The following DCT variants were observed in gnomAD, a reference collection of about 807,000 sequenced individuals.
DCT encodes dopachrome tautomerase.
In DCT, 47 loss-of-function variants were observed where a neutral mutation model predicts 53.0. The ratio of observed to expected loss-of-function variants is 0.89; its 90% CI spans 0.70 to 1.13. The LOEUF (loss-of-function observed/expected upper bound fraction) is 1.13, where lower values mean the gene tolerates loss of function less well. DCT is among the 50% of genes most tolerant of loss of function. DCT has a pLI of 0.00. For synonymous variants in DCT, 244 were observed against 237.0 expected (o/e 1.03, Z -0.27); for missense variants, 669 against 637.4 (o/e 1.05, Z -0.53).
intron 6 of DCT, among the ~76,000 whole-genome samples, chr13:94,451,095 T>C (rs1253133622): frequency 6.6e-6 from 1 of 152,128 alleles, no homozygotes; most frequent in Non-Finnish European, 1.5e-5. Flanking sequence ...ACTGCCACCC[T>C]GGGGAACCAG....
chr13:94,481,237 A>G (rs1885429834), upstream of DCT, among the ~76,000 whole-genome samples: 1 of 152,184 alleles, frequency 6.6e-6, no homozygotes, highest in South Asian at 2.1e-4. Context: ...ACTCAATTAC[A>G]TCTGCAAAGA....
At chr13:94,490,366 A>G in the DCT span, among the ~76,000 whole-genome samples, 2 of 151,880 alleles carry the variant, frequency 1.3e-5, no homozygotes, top group Admixed American at 6.6e-5. Context: ...TTAGCTGGGC[A>G]TGGTGGTGCA....
the DCT span, among the ~76,000 whole-genome samples, chr13:94,536,347 A>T: frequency 3.1e-3 from 465 of 152,268 alleles, 2 homozygotes; most frequent in African/African-American, 0.011. Flanking sequence ...GGACCTCCCA[A>T]ACATGCCTGC....
chr13:94,465,445 T>G, intron 4 of DCT, 188 bp downstream of exon 4: 4 of 343,128 alleles, frequency 1.2e-5, no homozygotes, highest in Non-Finnish European at 1.5e-5. Context: ...GTGATTTTGA[T>G]ATTTTTTTTT....
At chr13:94,442,097 G>A (rs186522842) in intron 7 of DCT, among the ~76,000 whole-genome samples, 168 of 152,146 alleles carry the variant, frequency 1.1e-3, no homozygotes, top group Non-Finnish European at 1.8e-3. Flanking sequence ...AAGGCCCTCT[G>A]TACCTAGGCT....
intron 1 of DCT, among the ~76,000 whole-genome samples, chr13:94,476,916 GAGA>G (rs1885128475): frequency 1.3e-5 from 2 of 152,164 alleles, no homozygotes; most frequent in South Asian, 4.1e-4. Flanking sequence ...ATAATTTTGA[GAGA>G]AGGTCTATAG....
the DCT span, among the ~76,000 whole-genome samples, chr13:94,516,590 A>C: frequency 9.9e-5 from 15 of 152,192 alleles, no homozygotes; most frequent in Non-Finnish European, 1.8e-4. Context: ...GAGGGTCTTT[A>C]AGAGGTTGTC....
At chr13:94,510,360 G>A in the DCT span, among the ~76,000 whole-genome samples, 1 of 152,156 alleles carries the variant, frequency 6.6e-6, no homozygotes, top group Non-Finnish European at 1.5e-5. Context: ...TTAATGCCCT[G>A]CACCTGAACT....
chr13:94,505,808 C>T, the DCT span, among the ~76,000 whole-genome samples: 205 of 152,276 alleles, frequency 1.3e-3, 1 homozygote, highest in East Asian at 0.013. Context: ...AAGAGACCCA[C>T]GTGGCAAGAA....
At position 94,437,696 on chromosome 13, in the gene DCT, C is replaced by T. The variant is rs1881986617; in HGVS notation, c.*2202G>A. 6.6e-6 allele frequency: 1 copy of T among 152,064 alleles called. No individual in the cohort carries two copies. Among genetic ancestry groups the T allele is most frequent in the Non-Finnish European group, 1.5e-5 (1 of 68,004 alleles). 9.4% of individuals were successfully genotyped at this position (152,064 alleles called of 1,614,324 possible). On this transcript the variant is annotated 3_prime_UTR_variant, in exon 8 of 8. Transcript: ENST00000377028. The stretch of plus-strand genomic sequence containing the variant: ...GCATGATATTCAATGTAAGTAAATA[C>T]CAACTTTTTATTCTGTTGGTTTATC...
chr13:94,478,831 C>A (rs1213473176), intron 1 of DCT, 130 bp downstream of exon 1: 47 of 894,746 alleles, frequency 5.3e-5, no homozygotes, highest in Non-Finnish European at 5.2e-5. Flanking sequence ...ATGCTTCCGA[C>A]CAAAACCATC....
At chr13:94,543,799 C>T in the DCT span, among the ~76,000 whole-genome samples, 1,836 of 152,202 alleles carry the variant, frequency 0.012, 39 homozygotes, top group African/African-American at 0.041. Flanking sequence ...CTTTGAGAGG[C>T]CAAGGCAGGT....
chr13:94,547,727 T>C, the DCT span, among the ~76,000 whole-genome samples: 1 of 151,658 alleles, frequency 6.6e-6, no homozygotes, highest in Non-Finnish European at 1.5e-5. Context: ...CACTAGCTCA[T>C]GCCTGTAATC....
intron 6 of DCT, among the ~76,000 whole-genome samples, chr13:94,454,172 T>C (rs2139306508): frequency 6.6e-6 from 1 of 152,354 alleles, no homozygotes; most frequent in South Asian, 2.1e-4. Flanking sequence ...GACTACTGTA[T>C]GTTGTATTCC....
the DCT span, among the ~76,000 whole-genome samples, chr13:94,509,932 GTTGAAGAA>G: frequency 6.6e-6 from 1 of 152,170 alleles, no homozygotes; most frequent in Non-Finnish European, 1.5e-5. Flanking sequence ...ATAGCAATTT[GTTGAAGAA>G]TCAAATTAAG....
Position 94,464,576 on chromosome 13 carries a change from G to A in DCT, c.863+1057C>T, listed in dbSNP as rs542008258. Among the ~76,000 whole-genome samples the A allele has an allele frequency of 3.7e-3, 570 of 152,118 alleles. 2 individuals carry two copies. Among genetic ancestry groups the A allele is most frequent in the Middle Eastern group, 0.014 (4 of 294 alleles). On this transcript the variant is annotated intron_variant, in intron 4 of 7. Coordinates refer to ENST00000377028, the MANE Select transcript of DCT (RefSeq NM_001922.5). ...AATTGCTTGAACCAGGGAGTCGGAGGTTGCAGTGAGCCGAGATCACGTCAC... is the reference window on the plus strand; with the variant it reads ...AATTGCTTGAACCAGGGAGTCGGAGATTGCAGTGAGCCGAGATCACGTCAC...
chr13:94,534,571 G>T, the DCT span, among the ~76,000 whole-genome samples: 3 of 152,254 alleles, frequency 2.0e-5, no homozygotes, highest in Non-Finnish European at 2.9e-5. Context: ...GGGAGCAGAA[G>T]CCTGCTGGGA....
Position 94,479,011 on chromosome 13 carries a change from T to G in DCT, c.245A>C (p.Asp82Ala), listed in dbSNP as rs1318727021. The G allele has an allele frequency of 6.2e-7, 1 of 1,613,756 alleles. No individual in the cohort carries two copies. The highest frequency in any genetic ancestry group is 8.5e-7 in the Non-Finnish European group (1 of 1,179,768). Reference protein sequence around the residue: ...SGPYILRNQDDRELWPRKFFH... With the variant: ...SGPYILRNQDARELWPRKFFH... ...GAATTTTCTTGGCCACAGCTCACGGTCATCCTGGTTTCGTAGGATGTAGGG... is the reference window on the plus strand; with the variant it reads ...GAATTTTCTTGGCCACAGCTCACGGGCATCCTGGTTTCGTAGGATGTAGGG... Residue 82 changes from aspartate to alanine, a missense_variant, in exon 1 of 8, where the codon GAC (aspartate) becomes GCC (alanine). Physicochemically the swap from Asp to Ala is moderately radical, Grantham distance 126 (BLOSUM62 -2). Transcript: ENST00000377028.
chr13:94,464,556 C>T (rs61964067), intron 4 of DCT, among the ~76,000 whole-genome samples: 22,011 of 151,888 alleles, frequency 0.14, 1,940 homozygotes, highest in Non-Finnish European at 0.2. Context: ...AGGAGAATTG[C>T]TTGAACCAGG....
Sources: gnomAD v4.1 joint callset for allele counts (sites outside exome capture counted in the v4.1 genomes callset) on GRCh38, gnomAD v4.1.1 for gene constraint, MANE v1.5 for transcripts, NCBI Gene and HGNC (gene_info 2026-07-23, HGNC 2026-07-21) for gene names.